KDM5B: variants seen among roughly 807,000 people sequenced by gnomAD.
KDM5B encodes the protein lysine-specific demethylase 5B.
In KDM5B, 144 loss-of-function variants were observed where a neutral mutation model predicts 193.4. The observed-to-expected ratio is 0.74, with a 90% CI of 0.65 to 0.86. KDM5B has a LOEUF of 0.86. Among genes scored for constraint, KDM5B ranks in the 40% least tolerant of loss-of-function variants. The probability of loss-of-function intolerance (pLI) is 0.00; values close to 1 mark genes in which losing one functional copy is unlikely to be tolerated. For missense variants in KDM5B, 1,833 were observed against 1,886.9 expected (o/e 0.97, Z 0.53); for synonymous variants, 668 against 682.6 (o/e 0.98, Z 0.33).
In KDM5B at chr1:202,729,728, G is replaced by C; in HGVS notation, c.4476C>G (p.Cys1492Trp). 1.9e-6 allele frequency: 3 copies of C among 1,613,668 alleles called. No individual in the cohort carries two copies. The highest frequency in any genetic ancestry group is 1.7e-6 in the Non-Finnish European group (2 of 1,179,678). The change falls in exon 26 of 27, where the codon TGC becomes TGG. Residue 1492 changes from cysteine to tryptophan, a missense_variant. By Grantham distance (215) the Cys-to-Trp change is radical. This residue lies in a region of KDM5B where 1,379 missense variants were observed against 1,349.6 expected (regional missense o/e 1.02). Transcript: ENST00000367265. ...DEDAICPAVS[C>W]LQPEGDEVDW... ...TGACCTCATCTCCTTCTGGCTGCAG[G>C]CAGCTCACAGCTGGGCAGATGGCAT... is the stretch of plus-strand genomic sequence containing the variant.
chr1:202,753,039 G>C lies in KDM5B; in HGVS notation c.1567C>G (p.Pro523Ala), dbSNP rs989461717. 2 of 1,613,594 alleles carry C rather than the reference G, an allele frequency of 1.2e-6. No homozygotes were observed. The highest frequency in any genetic ancestry group is 1.7e-6 in the Non-Finnish European group (2 of 1,179,892). ...WGEPKTWYGV[P>A]GYAAEQLENV... ...TCTAGCTGCTCAGCAGCATACCCTG[G>C]GACTCCATACCAGGTTTTTGGCTCA... Residue 523 changes from proline to alanine, a missense_variant, in exon 12 of 27, where the codon CCA (proline) becomes GCA (alanine). Physicochemically the swap from Pro to Ala is conservative, Grantham distance 27. Around this residue, in one of 3 missense-constraint regions of KDM5B, gnomAD observed 1,379 missense variants for 1,349.6 expected, o/e 1.02. Transcript: ENST00000367265.
At position 202,733,696 on chromosome 1, in the gene KDM5B, G is replaced by A. The variant is rs1236674068; in HGVS notation, c.3614C>T (p.Ala1205Val). The change falls in exon 23 of 27, where the codon GCG becomes GTG. Residue 1205 changes from alanine (A) to valine (V), a missense_variant. Transcript: ENST00000367265. ...CRDAFHTSCV[A>V]VPSISQGLRI... The stretch of plus-strand genomic sequence containing the variant: ...CAGGCCCTGTGAAATACTGGGTACC[G>A]CCACACAACTGGTGTGGAAAGCATC... 11 of 1,613,986 alleles carry A rather than the reference G, an allele frequency of 6.8e-6. No individual in the cohort carries two copies. The highest frequency in any genetic ancestry group is 1.3e-5 in the African/African-American group (1 of 74,906).
intron 14 of KDM5B, among the ~76,000 whole-genome samples, chr1:202,747,942 T>G (rs1218124231): frequency 6.6e-6 from 1 of 150,544 alleles, no homozygotes; most frequent in Non-Finnish European, 1.5e-5. Flanking sequence ...TTAAAAAAAG[T>G]AAAAGAGATA....
chr1:202,728,544 A>C lies in KDM5B; in HGVS notation c.*492T>G, dbSNP rs1654755797. Reference sequence around the variant, plus strand: ...AAGTGGATAAAGGAAAAGAAGAAACAAACAAAAACTCCCAAAGTGAAAAAC... The same window carrying C: ...AAGTGGATAAAGGAAAAGAAGAAACCAACAAAAACTCCCAAAGTGAAAAAC... On this transcript the variant is annotated 3_prime_UTR_variant, in exon 27 of 27. Transcript: ENST00000367265. 6.5e-6 allele frequency: 1 copy of C among 153,182 alleles called. No homozygotes were observed. Among genetic ancestry groups the C allele is most frequent in the African/African-American group, 2.4e-5 (1 of 41,478 alleles). 9.5% of individuals were successfully genotyped at this position (153,182 alleles called of 1,614,324 possible). A position where few individuals can be genotyped will look rare whatever the true frequency, so the allele number is the denominator to read the frequency against.
At chr1:202,748,897 T>C (rs749752320) in intron 14 of KDM5B, 48 bp downstream of exon 14, 3 of 1,478,386 alleles carry the variant, frequency 2.0e-6, no homozygotes, top group Non-Finnish European at 2.7e-6. Flanking sequence ...AAAATTTTAC[T>C]AAATAATACC....
In KDM5B at chr1:202,728,463, A is replaced by G. The variant is rs907445087; in HGVS notation, c.*573T>C. 8 of 152,946 alleles carry G rather than the reference A, an allele frequency of 5.2e-5. No homozygotes were observed. The highest frequency in any genetic ancestry group is 1.9e-4 in the African/African-American group (8 of 41,474). The allele number at this position is 152,946 out of a possible 1,614,324, so 9.5% of individuals were successfully genotyped here. On this transcript the variant is annotated 3_prime_UTR_variant, in exon 27 of 27. Transcript: ENST00000367265. The stretch of plus-strand genomic sequence containing the variant: ...GTTTTGTTTTAATTCCAGCCACTGA[A>G]ACCAACATAGAAGTTATTGCTCAGA...
In KDM5B at chr1:202,742,677, G is replaced by A; in HGVS notation, c.2452C>T (p.Leu818Phe). 3.7e-6 allele frequency: 6 copies of A among 1,614,068 alleles called. No individual in the cohort carries two copies. The highest frequency in any genetic ancestry group is 4.2e-6 in the Non-Finnish European group (5 of 1,180,004). Reference protein sequence around the residue: ...EKCASVAQQLLNGKRQTRYRS... With the variant: ...EKCASVAQQLFNGKRQTRYRS... ...TACCTAGTTTGCCTTTTGCCATTAAGCAACTGCTGCGCAACAGAGGCACAC... is the reference window on the plus strand; with the variant it reads ...TACCTAGTTTGCCTTTTGCCATTAAACAACTGCTGCGCAACAGAGGCACAC... The change falls in exon 17 of 27, where the codon CTT becomes TTT. Residue 818 changes from leucine (L) to phenylalanine (F), a missense_variant. By Grantham distance (22) the Leu-to-Phe change is conservative. Coordinates refer to ENST00000367265, the MANE Select transcript of KDM5B (RefSeq NM_006618.5).
chr1:202,777,844 G>A (rs1439732797), intron 1 of KDM5B, among the ~76,000 whole-genome samples: 1 of 152,018 alleles, frequency 6.6e-6, no homozygotes, highest in Non-Finnish European at 1.5e-5. Flanking sequence ...CTACAGTGGT[G>A]TCAGGGGGAG....
rs1654623966 is a variant in KDM5B at position 202,724,901 on chromosome 1, T to G, written c.*4135A>C. The G allele has an allele frequency of 6.6e-6, 1 of 152,200 alleles. No individual in the cohort carries two copies. Among genetic ancestry groups the G allele is most frequent in the Non-Finnish European group, 1.5e-5 (1 of 68,038 alleles). 9.4% of individuals were successfully genotyped at this position (152,200 alleles called of 1,614,324 possible). ...AGTTTTGGTGTTTAGAGGGGTGCCT[T>G]TGGACATTTATTTTAAATAGAGAAA... On this transcript the variant is annotated 3_prime_UTR_variant, in exon 27 of 27. Transcript: ENST00000367265.
intron 10 of KDM5B, among the ~76,000 whole-genome samples, chr1:202,756,075 T>A (rs1263791111): frequency 4.6e-5 from 7 of 152,072 alleles, no homozygotes; most frequent in African/African-American, 1.7e-4. Flanking sequence ...AATATTAAAG[T>A]TTGAAAATAA....
intron 6 of KDM5B, among the ~76,000 whole-genome samples, chr1:202,763,424 C>T (rs1656329020): frequency 6.6e-6 from 1 of 152,172 alleles, no homozygotes; most frequent in African/African-American, 2.4e-5. Context: ...AACTAGTTAG[C>T]GGTTGTGCCA....
At position 202,724,829 on chromosome 1, in the gene KDM5B, C is replaced by T. The variant is rs997628541; in HGVS notation, c.*4207G>A. ...GCAGAAAGGAAGCATGGTTTGAAAC[C>T]GCACTCTTCTCCAACTTCTAGCTAG... On this transcript the variant is annotated 3_prime_UTR_variant, in exon 27 of 27. Coordinates refer to ENST00000367265, the MANE Select transcript of KDM5B (RefSeq NM_006618.5). 9.9e-5 allele frequency: 15 copies of T among 152,252 alleles called. No homozygotes were observed. Among genetic ancestry groups the T allele is most frequent in the South Asian group, 8.3e-4 (4 of 4,820 alleles). The allele number at this position is 152,252 out of a possible 1,614,324, so 9.4% of individuals were successfully genotyped here. A position where few individuals can be genotyped will look rare whatever the true frequency, so the allele number is the denominator to read the frequency against.
At chr1:202,731,773 TA>T in intron 24 of KDM5B, 54 bp downstream of exon 24, 1 of 1,213,414 alleles carries the variant, frequency 8.2e-7, no homozygotes, top group Non-Finnish European at 1.2e-6. Flanking sequence ...AAAAACCTAG[TA>T]ATACAAGATC....
At chr1:202,789,338 T>C (rs1462776122) in intron 1 of KDM5B, among the ~76,000 whole-genome samples, 1 of 151,770 alleles carries the variant, frequency 6.6e-6, no homozygotes, top group Non-Finnish European at 1.5e-5. Flanking sequence ...CTGACCAACA[T>C]GGTGAAACCC....
chr1:202,774,791 T>G (rs766266703), intron 2 of KDM5B, 56 bp from the exon 3 acceptor site: 10 of 1,512,698 alleles, frequency 6.6e-6, no homozygotes, highest in Non-Finnish European at 9.1e-6. Flanking sequence ...AAGCTCCTAT[T>G]ACCTGCCATT....
intron 9 of KDM5B, 27 bp from the exon 10 acceptor site, chr1:202,756,543 G>A (rs1377163943): frequency 4.5e-6 from 7 of 1,546,794 alleles, no homozygotes; most frequent in African/African-American, 1.4e-5. Context: ...TAGAAAAAAT[G>A]AGTTTCCTCA....
chr1:202,754,843 C>A (rs1037310995), intron 11 of KDM5B, among the ~76,000 whole-genome samples: 1 of 152,190 alleles, frequency 6.6e-6, no homozygotes, highest in African/African-American at 2.4e-5. Context: ...CACCACCACA[C>A]CCAGCTAATT....
rs551173557 is a variant in KDM5B at position 202,732,476 on chromosome 1, C to T, written c.3910-537G>A. Among the ~76,000 whole-genome samples, 55 of 152,306 alleles carry T rather than the reference C, an allele frequency of 3.6e-4. 1 individual carries two copies. The highest frequency in any genetic ancestry group is 3.4e-3 in the Middle Eastern group (1 of 294). On this transcript the variant is annotated intron_variant, in intron 23 of 26. Transcript: ENST00000367265. ...CTCCTAGCACATCCTGGGTAAAGAACACCAATGACTCCACTTTGGGAGTGT... is the reference window on the plus strand; with the variant it reads ...CTCCTAGCACATCCTGGGTAAAGAATACCAATGACTCCACTTTGGGAGTGT...
chr1:202,776,512 A>C (rs1372753146), intron 2 of KDM5B, among the ~76,000 whole-genome samples: 1 of 152,146 alleles, frequency 6.6e-6, no homozygotes, highest in South Asian at 2.1e-4. Context: ...CCTCAACCCT[A>C]CAACAAAAAC....
Sources: allele counts gnomAD v4.1 joint callset (sites outside exome capture counted in the v4.1 genomes callset), GRCh38; gene constraint gnomAD v4.1.1; regional missense constraint gnomAD v4.1.1; transcripts MANE v1.5; gene names NCBI Gene and HGNC (gene_info 2026-07-23, HGNC 2026-07-21).